GLIS3: variants seen among roughly 807,000 people sequenced by gnomAD.
GLIS3 encodes the protein zinc finger protein GLIS3.
GLIS3 carries 53 observed loss-of-function variants against 78.6 expected under a neutral mutation model. The observed-to-expected ratio is 0.67, with a 90% CI of 0.54 to 0.85. The LOEUF (loss-of-function observed/expected upper bound fraction) is 0.85, where lower values mean the gene tolerates loss of function less well. Ranked by LOEUF, GLIS3 falls within the 40% of genes least tolerant of loss-of-function variation. The pLI is 0.00. For synonymous variants in GLIS3, 684 were observed against 509.9 expected (o/e 1.34, Z -4.60); for missense variants, 1,703 against 1,231.1 (o/e 1.38, Z -5.74).
chr9:3,879,276 G>A (rs531989630), intron 8 of GLIS3, 151 bp downstream of exon 8: 11 of 736,414 alleles, frequency 1.5e-5, no homozygotes, highest in South Asian at 4.4e-5. Context: ...TTTGGTCCAC[G>A]TGCTTTGTGT....
At chr9:4,190,272 T>TA (rs1427259067) in intron 2 of GLIS3, among the ~76,000 whole-genome samples, 1 of 152,146 alleles carries the variant, frequency 6.6e-6, no homozygotes, top group Admixed American at 6.5e-5. Flanking sequence ...GCAAAGAAGT[T>TA]AAAAACTTTG....
intron 2 of GLIS3, among the ~76,000 whole-genome samples, chr9:4,340,223 T>C (rs1817815109): frequency 6.6e-6 from 1 of 151,948 alleles, no homozygotes; most frequent in Admixed American, 6.5e-5. Flanking sequence ...TTAGTATGTA[T>C]TTTTTAAATC....
chr9:4,212,734 A>G (rs1820483664), intron 2 of GLIS3, among the ~76,000 whole-genome samples: 1 of 152,224 alleles, frequency 6.6e-6, no homozygotes, highest in East Asian at 1.9e-4. Flanking sequence ...AGAGAGATAG[A>G]ACATGTGAGG....
chr9:4,083,254 G>C (rs1325315313), intron 4 of GLIS3, among the ~76,000 whole-genome samples: 1 of 151,986 alleles, frequency 6.6e-6, no homozygotes, highest in Non-Finnish European at 1.5e-5. Context: ...ACTAGAATTT[G>C]GGCAGCAATA....
chr9:4,452,009 T>C, the GLIS3 span, among the ~76,000 whole-genome samples: 6 of 152,116 alleles, frequency 3.9e-5, no homozygotes, highest in Non-Finnish European at 7.3e-5. Flanking sequence ...GATGCAAGTC[T>C]GGTTCAACAT....
chr9:4,306,366 A>C (rs1169008719), intron 4 of GLIS3, among the ~76,000 whole-genome samples: 1 of 152,160 alleles, frequency 6.6e-6, no homozygotes, highest in Non-Finnish European at 1.5e-5. Context: ...AATATTATGC[A>C]AGAGAAATTC....
chr9:3,843,607 C>T (rs1297747762), intron 9 of GLIS3, among the ~76,000 whole-genome samples: 1 of 152,028 alleles, frequency 6.6e-6, no homozygotes, highest in Non-Finnish European at 1.5e-5. Context: ...TTCTGTATAC[C>T]CATAGTTACT....
chr9:3,991,202 G>C (rs1049649402), intron 4 of GLIS3, among the ~76,000 whole-genome samples: 3 of 152,174 alleles, frequency 2.0e-5, no homozygotes, highest in Non-Finnish European at 4.4e-5. Flanking sequence ...TTTAAAATGG[G>C]AAGGCACTTT....
chr9:4,059,522 C>T (rs1005239950), intron 4 of GLIS3, among the ~76,000 whole-genome samples: 3 of 152,160 alleles, frequency 2.0e-5, no homozygotes, highest in Non-Finnish European at 4.4e-5. Context: ...GAGAGAAGTA[C>T]TATTGGCTTT....
chr9:4,091,678 T>G (rs1829517335), intron 4 of GLIS3, among the ~76,000 whole-genome samples: 1 of 152,176 alleles, frequency 6.6e-6, no homozygotes. Flanking sequence ...CGCTCGACTC[T>G]CACTTCTCCT....
chr9:3,994,406 C>G (rs1030461322), intron 4 of GLIS3, among the ~76,000 whole-genome samples: 1 of 152,168 alleles, frequency 6.6e-6, no homozygotes, highest in African/African-American at 2.4e-5. Flanking sequence ...ACACCTACAC[C>G]TTGATTTGGG....
At chr9:3,850,148 G>GC (rs1447525758) in intron 9 of GLIS3, among the ~76,000 whole-genome samples, 1 of 152,172 alleles carries the variant, frequency 6.6e-6, no homozygotes, top group Non-Finnish European at 1.5e-5. Context: ...GTTCAGTGTG[G>GC]CTATAGGCTC....
chr9:4,434,680 T>G, the GLIS3 span, among the ~76,000 whole-genome samples: 1 of 152,224 alleles, frequency 6.6e-6, no homozygotes, highest in Non-Finnish European at 1.5e-5. Context: ...TCAATCCAGA[T>G]GTAAGCCAGT....
intron 4 of GLIS3, among the ~76,000 whole-genome samples, chr9:4,070,540 G>T (rs1208024083): frequency 6.6e-6 from 1 of 152,152 alleles, no homozygotes; most frequent in East Asian, 1.9e-4. Context: ...GTATTTGTGT[G>T]TGTGTGAGAG....
chr9:4,475,003 T>G, the GLIS3 span, among the ~76,000 whole-genome samples: 1 of 143,768 alleles, frequency 7.0e-6, no homozygotes, highest in African/African-American at 2.6e-5. Flanking sequence ...TTCTTTTTTT[T>G]TTTTTTTTGA....
At chr9:4,335,422 T>G (rs891099088) in intron 2 of GLIS3, among the ~76,000 whole-genome samples, 1 of 152,196 alleles carries the variant, frequency 6.6e-6, no homozygotes, top group Non-Finnish European at 1.5e-5. Flanking sequence ...TTGCCAGATA[T>G]AGCAAATAAA....
chr9:4,131,024 G>A (rs1027953921), intron 2 of GLIS3, among the ~76,000 whole-genome samples: 1 of 152,210 alleles, frequency 6.6e-6, no homozygotes, highest in Admixed American at 6.5e-5. Flanking sequence ...AGGAGTTAAA[G>A]GAGATTATTT....
the GLIS3 span, among the ~76,000 whole-genome samples, chr9:4,408,685 C>T: frequency 3.7e-5 from 5 of 133,694 alleles, no homozygotes; most frequent in African/African-American, 1.5e-4. Context: ...CGAGATCACG[C>T]CACCGCACTC....
chr9:4,447,126 C>A, the GLIS3 span, among the ~76,000 whole-genome samples: 4 of 152,052 alleles, frequency 2.6e-5, no homozygotes, highest in African/African-American at 9.7e-5. Flanking sequence ...CAGCTCACTG[C>A]AGCATCAAAC....
Sources: allele counts gnomAD v4.1 joint callset (sites outside exome capture counted in the v4.1 genomes callset), GRCh38; gene constraint gnomAD v4.1.1; transcripts MANE v1.5; gene names NCBI Gene and HGNC (gene_info 2026-07-23, HGNC 2026-07-21).